The following CLDN10 variants were observed in gnomAD, a reference collection of about 807,000 sequenced individuals.
CLDN10 encodes claudin-10.
Under a neutral mutation model 22.9 loss-of-function variants are expected in CLDN10, and 15 were observed. The observed-to-expected ratio is 0.65, with a 90% CI of 0.44 to 1.01. CLDN10 has a LOEUF of 1.01. Ranked by LOEUF, CLDN10 falls within the 50% of genes least tolerant of loss-of-function variation. The probability of loss-of-function intolerance (pLI) is 0.00; values close to 1 mark genes in which losing one functional copy is unlikely to be tolerated. For synonymous variants in CLDN10, 114 were observed against 111.4 expected (o/e 1.02, Z -0.15); for missense variants, 247 against 287.8 (o/e 0.86, Z 1.03).
chr13:95,437,677 G>C (rs545573928), intron 1 of CLDN10, among the ~76,000 whole-genome samples: 1 of 152,136 alleles, frequency 6.6e-6, no homozygotes, highest in Non-Finnish European at 1.5e-5. Flanking sequence ...CAGATGGTTC[G>C]CGATGAGGGC....
At chr13:95,550,082 C>T (rs1594604797), upstream of CLDN10, among the ~76,000 whole-genome samples, 1 of 152,172 alleles carries the variant, frequency 6.6e-6, no homozygotes, top group East Asian at 1.9e-4. Context: ...GGAAATACTG[C>T]TACCAAGGCC....
chr13:95,485,395 C>G (rs1311499008), intron 1 of CLDN10, among the ~76,000 whole-genome samples: 1 of 152,174 alleles, frequency 6.6e-6, no homozygotes, highest in Non-Finnish European at 1.5e-5. Context: ...TACCAGCCTC[C>G]ATGGTCAAGG....
chr13:95,552,704 T>TCG (rs1422288673), upstream of CLDN10: 4 of 1,535,880 alleles, frequency 2.6e-6, no homozygotes, highest in African/African-American at 5.6e-5. Flanking sequence ...AGTGCGGGGG[T>TCG]CGCGGCGCAG....
chr13:95,454,912 C>T (rs771084804), intron 1 of CLDN10, among the ~76,000 whole-genome samples: 1 of 152,012 alleles, frequency 6.6e-6, no homozygotes, highest in South Asian at 2.1e-4. Context: ...CTTGGCTGGG[C>T]GTGGTGGCTC....
Position 95,526,165 on chromosome 13 carries a change from T to C in CLDN10, c.215-33967T>C, listed in dbSNP as rs183045100. Among the ~76,000 whole-genome samples the C allele has an allele frequency of 1.6e-4, 25 of 152,358 alleles. No individual in the cohort carries two copies. In the East Asian group the frequency reaches 3.1e-3, roughly 19 times the overall value. On this transcript the variant is annotated intron_variant, in intron 1 of 4. Transcript: ENST00000376873. ...CGAATGTTCTTTAGCTGTGCTTATC[T>C]CATGGATGCAATATTTTCTTTTATT...
upstream of CLDN10, among the ~76,000 whole-genome samples, chr13:95,551,706 C>T (rs1361394712): frequency 6.6e-6 from 1 of 152,162 alleles, no homozygotes; most frequent in Non-Finnish European, 1.5e-5. Context: ...AACAAAACTG[C>T]AAGAACCTTT....
intron 1 of CLDN10, among the ~76,000 whole-genome samples, chr13:95,532,909 T>C (rs1447826716): frequency 6.6e-6 from 1 of 151,924 alleles, no homozygotes; most frequent in African/African-American, 2.4e-5. Flanking sequence ...TGTTTGATTG[T>C]ATCTAGATAA....
At chr13:95,480,649 C>T (rs1445263228) in intron 1 of CLDN10, among the ~76,000 whole-genome samples, 1 of 152,188 alleles carries the variant, frequency 6.6e-6, no homozygotes, top group African/African-American at 2.4e-5. Context: ...ATGCAGATCC[C>T]TTGGCTCCAC....
rs548633406 is a variant in CLDN10 at position 95,568,461 on chromosome 13, C to T, written c.464+7998C>T. ...TGCATGACATCATGATTTCTGCCAG[C>T]GTGCCCTGCTTTCTGGTAATTCAGC... On this transcript the variant is annotated intron_variant, in intron 3 of 4. Coordinates refer to ENST00000299339, the MANE Select transcript of CLDN10 (RefSeq NM_006984.5). 1.8e-4 allele frequency among the ~76,000 whole-genome samples: 27 copies of T among 152,218 alleles called. No homozygotes were observed. In the South Asian group the frequency reaches 1.9e-3, roughly 11 times the overall value.
chr13:95,555,982 T>C (rs951588574), intron 1 of CLDN10, among the ~76,000 whole-genome samples: 1 of 152,186 alleles, frequency 6.6e-6, no homozygotes, highest in Non-Finnish European at 1.5e-5. Flanking sequence ...CTCGTGACTC[T>C]TGCCTATCTT....
chr13:95,536,277 C>T (rs1411001626), intron 1 of CLDN10, among the ~76,000 whole-genome samples: 5 of 151,910 alleles, frequency 3.3e-5, no homozygotes, highest in Admixed American at 6.6e-5. Flanking sequence ...TGGTGAAACT[C>T]CATCTCTACT....
intron 1 of CLDN10, among the ~76,000 whole-genome samples, chr13:95,515,961 C>T (rs1182484839): frequency 6.6e-6 from 1 of 151,988 alleles, no homozygotes; most frequent in East Asian, 1.9e-4. Context: ...GTAATCCCAG[C>T]TACTCAGGAG....
chr13:95,500,146 A>C (rs966425642), intron 1 of CLDN10, among the ~76,000 whole-genome samples: 2 of 152,194 alleles, frequency 1.3e-5, no homozygotes, highest in Non-Finnish European at 2.9e-5. Flanking sequence ...AAATTTGAGA[A>C]TATATCCTCG....
At chr13:95,442,613 G>A (rs530978118) in intron 1 of CLDN10, among the ~76,000 whole-genome samples, 1 of 152,322 alleles carries the variant, frequency 6.6e-6, no homozygotes, top group South Asian at 2.1e-4. Flanking sequence ...GCTCCACAGG[G>A]GAAGGCAGGG....
upstream of CLDN10, among the ~76,000 whole-genome samples, chr13:95,548,244 C>T (rs535319459): frequency 6.8e-4 from 103 of 152,276 alleles, no homozygotes; most frequent in African/African-American, 2.1e-3. Flanking sequence ...ATTCCAGGCT[C>T]GAAGGGTATT....
chr13:95,481,430 C>T (rs1236743880), intron 1 of CLDN10, among the ~76,000 whole-genome samples: 2 of 152,152 alleles, frequency 1.3e-5, no homozygotes, highest in Non-Finnish European at 2.9e-5. Context: ...GCGTTTCTAA[C>T]AGCCTCCCAG....
intron 1 of CLDN10, among the ~76,000 whole-genome samples, chr13:95,519,836 G>C (rs773935566): frequency 6.6e-5 from 10 of 152,346 alleles, no homozygotes; most frequent in Admixed American, 2.0e-4. Context: ...TCTAGGTAAA[G>C]AGGAAAGGGA....
At chr13:95,503,104 T>C (rs2043003294) in intron 1 of CLDN10, among the ~76,000 whole-genome samples, 2 of 152,216 alleles carry the variant, frequency 1.3e-5, no homozygotes, top group Admixed American at 1.3e-4. Flanking sequence ...GATTCACAGA[T>C]GGAGTCTGTC....
At chr13:95,532,620 C>T (rs556498237) in intron 1 of CLDN10, among the ~76,000 whole-genome samples, 10 of 151,730 alleles carry the variant, frequency 6.6e-5, no homozygotes, top group African/African-American at 1.9e-4. Context: ...ACCCTCCCAC[C>T]CAGTAATTCT....
Sources: gnomAD v4.1 joint callset for allele counts (sites outside exome capture counted in the v4.1 genomes callset) on GRCh38, gnomAD v4.1.1 for gene constraint, MANE v1.5 for transcripts, NCBI Gene and HGNC (gene_info 2026-07-23, HGNC 2026-07-21) for gene names.